USP44: variants seen among roughly 807,000 people sequenced by gnomAD.
USP44 encodes the protein ubiquitin specific peptidase 44.
Under a neutral mutation model 69.0 loss-of-function variants are expected in USP44, and 61 were observed. The ratio of observed to expected loss-of-function variants is 0.88; its 90% confidence interval spans 0.72 to 1.09. The LOEUF (loss-of-function observed/expected upper bound fraction) is 1.09, where lower values mean the gene tolerates loss of function less well. Among genes scored for constraint, USP44 ranks in the 50% least tolerant of loss-of-function variants. The pLI is 0.00. For synonymous variants in USP44, 297 were observed against 295.4 expected (o/e 1.01, Z -0.06); for missense variants, 753 against 849.9 (o/e 0.89, Z 1.42).
chr12:95,531,229 AC>A (rs1302703833), intron 2 of USP44, among the ~76,000 whole-genome samples: 1 of 152,158 alleles, frequency 6.6e-6, no homozygotes, highest in African/African-American at 2.4e-5. Context: ...ACCAAAAAAA[AC>A]ACACAAAAAA....
chr12:95,525,516 G>A (rs2076807789), intron 3 of USP44, among the ~76,000 whole-genome samples: 1 of 152,174 alleles, frequency 6.6e-6, no homozygotes, highest in South Asian at 2.1e-4. Context: ...AAAAAAAAGT[G>A]AGTGGTCAGT....
chr12:95,521,817 T>C (rs189408897), intron 4 of USP44, among the ~76,000 whole-genome samples: 2 of 152,220 alleles, frequency 1.3e-5, no homozygotes, highest in Admixed American at 1.3e-4. Flanking sequence ...CCTTACTGTC[T>C]TGCCAGGATA....
intron 1 of USP44, among the ~76,000 whole-genome samples, chr12:95,539,178 C>CT (rs996914262): frequency 1.7e-4 from 25 of 150,412 alleles, no homozygotes; most frequent in East Asian, 5.8e-4. Flanking sequence ...TATCAAATGG[C>CT]TTTTTTTTCT....
intron 4 of USP44, chr12:95,521,940 C>T (rs762784075): frequency 1.4e-6 from 1 of 704,606 alleles, no homozygotes; most frequent in Non-Finnish European, 1.7e-6. Context: ...GATTTTCAGA[C>T]TAAAACAACA....
intron 2 of USP44, among the ~76,000 whole-genome samples, chr12:95,531,154 ACT>A (rs912021187): frequency 5.3e-5 from 8 of 151,980 alleles, no homozygotes; most frequent in African/African-American, 1.9e-4. Context: ...ACAGAGTGAG[ACT>A]CTGTCTCAAA....
intron 1 of USP44, among the ~76,000 whole-genome samples, chr12:95,539,477 C>T (rs763824124): frequency 6.6e-6 from 1 of 152,108 alleles, no homozygotes; most frequent in Non-Finnish European, 1.5e-5. Flanking sequence ...CTGCCCGCCT[C>T]GGCCTCCCAA....
At chr12:95,549,382 G>C (rs1478348572) in intron 1 of USP44, among the ~76,000 whole-genome samples, 4 of 152,138 alleles carry the variant, frequency 2.6e-5, no homozygotes, top group Admixed American at 2.6e-4. Context: ...CCGCTATCTA[G>C]AACTGCCTAA....
At chr12:95,529,720 C>T (rs1334562975) in intron 2 of USP44, among the ~76,000 whole-genome samples, 4 of 152,110 alleles carry the variant, frequency 2.6e-5, no homozygotes, top group Non-Finnish European at 5.9e-5. Flanking sequence ...CATGCCCGGC[C>T]TCTCCTTCAT....
intron 1 of USP44, among the ~76,000 whole-genome samples, chr12:95,536,032 T>TTC (rs1338918758): frequency 2.3e-4 from 29 of 126,464 alleles, no homozygotes; most frequent in South Asian, 5.0e-4. Flanking sequence ...TTCTTTCCTT[T>TTC]TTTTTCCTTT....
chr12:95,550,743 T>G (rs1227724008), intron 1 of USP44, among the ~76,000 whole-genome samples: 1 of 152,034 alleles, frequency 6.6e-6, no homozygotes, highest in Non-Finnish European at 1.5e-5. Context: ...CGGGGTCTTT[T>G]AAGGACTAAA....
rs774881356 is a variant in USP44, at chr12:95,534,229, C to T, written c.28G>A (p.Val10Ile). The change falls in exon 2 of 6, where the codon GTT (valine) becomes ATT (isoleucine). Residue 10 changes from valine (V) to isoleucine (I), a missense_variant. By Grantham distance (29) the Val-to-Ile change is conservative. Coordinates refer to ENST00000258499, the MANE Select transcript of USP44 (RefSeq NM_032147.5). ...TCTTGAGCAAGCTGCAGCTGCCCAACATGTTTGCACGTATCCATTGCTAGC... is the reference window on the plus strand; with the variant it reads ...TCTTGAGCAAGCTGCAGCTGCCCAATATGTTTGCACGTATCCATTGCTAGC... MLAMDTCKHVGQLQLAQDHS... is the reference protein window; with the variant it reads MLAMDTCKHIGQLQLAQDHS... 87 of 1,612,438 alleles carry T rather than the reference C, an allele frequency of 5.4e-5. No individual in the cohort carries two copies. Among genetic ancestry groups the T allele is most frequent in the Non-Finnish European group, 7.1e-5 (84 of 1,178,924 alleles).
intron 1 of USP44, among the ~76,000 whole-genome samples, chr12:95,543,515 G>A (rs1326626271): frequency 6.6e-6 from 1 of 151,146 alleles, no homozygotes; most frequent in African/African-American, 2.4e-5. Context: ...AAAGAGACAA[G>A]AAGGATGTTT....
At chr12:95,544,814 C>G (rs117282241) in intron 1 of USP44, among the ~76,000 whole-genome samples, 23 of 152,032 alleles carry the variant, frequency 1.5e-4, no homozygotes, top group Non-Finnish European at 2.5e-4. Context: ...CTTCCCCCCG[C>G]CATAGCTCAT....
At position 95,527,537 on chromosome 12, in the gene USP44, T is replaced by G. The variant is rs1338598762; in HGVS notation, c.1624+1270A>C. Among the ~76,000 whole-genome samples the G allele has an allele frequency of 2.0e-5, 3 of 152,110 alleles. No homozygotes were observed. In the East Asian group the frequency reaches 5.8e-4, roughly 29 times the overall value. On this transcript the variant is annotated intron_variant, in intron 3 of 5. Transcript: ENST00000258499. ...GCTTGTTCTGTCATCCAGGAAGGAG[T>G]GCAGTGGCACGATCTTGGCTCACTG...
chr12:95,534,352 A>T, intron 1 of USP44, 26 bp from the exon 2 acceptor site: 1 of 1,152,456 alleles, frequency 8.7e-7, no homozygotes, highest in Non-Finnish European at 1.2e-6. Context: ...TCAAGTGTTA[A>T]TAACAAGATG....
At chr12:95,545,365 T>C (rs922973799) in intron 1 of USP44, among the ~76,000 whole-genome samples, 1 of 152,158 alleles carries the variant, frequency 6.6e-6, no homozygotes, top group Non-Finnish European at 1.5e-5. Flanking sequence ...AGATAATTTT[T>C]GTAACAAAAC....
In USP44 at chr12:95,548,649, C is replaced by G. The variant is rs1441115833; in HGVS notation, c.-71+2623G>C. 6.6e-6 allele frequency: 1 copy of G among 152,282 alleles called. No homozygotes were observed. Among genetic ancestry groups the G allele is most frequent in the East Asian group, 1.9e-4 (1 of 5,138 alleles). The allele number at this position is 152,282 out of a possible 1,614,324, so 9.4% of individuals were successfully genotyped here. ...CCCTCTCTCAGGACCCCCCAGCGCC[C>G]TGCGCGGCGAGAATAGGCCCCCAGG... On this transcript the variant is annotated intron_variant, in intron 1 of 5. Transcript: ENST00000258499. This position sits in a 1 kb window ranked among gnomAD's most constrained non-coding sequence, Gnocchi z 4.1.
intron 1 of USP44, among the ~76,000 whole-genome samples, chr12:95,536,511 A>G (rs1265848651): frequency 6.6e-6 from 1 of 152,106 alleles, no homozygotes; most frequent in Admixed American, 6.6e-5. Context: ...CCACTATCCC[A>G]TATCTTTCTG....
intron 1 of USP44, among the ~76,000 whole-genome samples, chr12:95,538,544 G>C (rs539714503): frequency 0.018 from 425 of 23,294 alleles, 2 homozygotes; most frequent in Middle Eastern, 0.056. Context: ...CATTTTAAAA[G>C]GGGGGGGTCT....
Sources: gnomAD v4.1 joint callset for allele counts (sites outside exome capture counted in the v4.1 genomes callset) on GRCh38, gnomAD v4.1.1 for gene constraint, Gnocchi (gnomAD v3.1) non-coding constraint, MANE v1.5 for transcripts, NCBI Gene and HGNC (gene_info 2026-07-23, HGNC 2026-07-21) for gene names.